The following SYT14 variants were observed in gnomAD, a reference collection of about 807,000 sequenced individuals.
SYT14 encodes synaptotagmin 14, also known as synaptotagmin-14.
Under a neutral mutation model 74.2 loss-of-function variants are expected in SYT14, and 32 were observed. The ratio of observed to expected loss-of-function variants is 0.43; its 90% CI spans 0.33 to 0.58. The LOEUF (loss-of-function observed/expected upper bound fraction) is 0.58. Among genes scored for constraint, SYT14 ranks in the 20% least tolerant of loss-of-function variants. The pLI is 0.05. For synonymous variants in SYT14, 298 were observed against 337.7 expected, an observed-to-expected ratio of 0.88 and a Z score of 1.29; for missense variants, 791 against 981.8, an observed-to-expected ratio of 0.81 and a Z score of 2.60.
chr1:209,982,769 C>T (rs2079508902), intron 2 of SYT14, among the ~76,000 whole-genome samples: 1 of 152,166 alleles, frequency 6.6e-6, no homozygotes, highest in Admixed American at 6.5e-5. Context: ...TGAGAAGCAG[C>T]CAAACTGTCT....
chr1:210,167,641 G>A lies in SYT14; in HGVS notation c.*6599G>A, dbSNP rs1016431124. ...GAATATGTGAAATAATGTTGTCATT[G>A]AATTAAGCTGTTTTGTGACTGCTGA... On this transcript the variant is annotated 3_prime_UTR_variant, in exon 10 of 10. Coordinates refer to ENST00000637265, the Ensembl canonical transcript of SYT14. 2.0e-5 allele frequency: 3 copies of A among 152,108 alleles called. No homozygotes were observed. In the South Asian group the frequency reaches 6.2e-4, roughly 32 times the overall value. 9.4% of individuals were successfully genotyped at this position (152,108 alleles called of 1,614,324 possible).
intron 2 of SYT14, among the ~76,000 whole-genome samples, chr1:209,981,682 C>T (rs1258027966): frequency 1.3e-5 from 2 of 151,968 alleles, no homozygotes; most frequent in East Asian, 3.9e-4. Context: ...TCTCAAACTC[C>T]TGGACTCAAG....
chr1:210,138,387 G>C (rs1452197364), intron 7 of SYT14, among the ~76,000 whole-genome samples: 1 of 152,120 alleles, frequency 6.6e-6, no homozygotes, highest in Non-Finnish European at 1.5e-5. Context: ...ATGACATGTG[G>C]GGATTATGGG....
exon 10 of SYT14, chr1:210,165,514 G>A (rs1449730034): frequency 1.3e-5 from 2 of 152,130 alleles, no homozygotes; most frequent in African/African-American, 4.8e-5. Flanking sequence ...AGGAATCCAA[G>A]GTGTTTTAAT....
chr1:209,974,231 C>T (rs1370842664), intron 2 of SYT14, among the ~76,000 whole-genome samples: 1 of 152,086 alleles, frequency 6.6e-6, no homozygotes, highest in Non-Finnish European at 1.5e-5. Context: ...TCCCATTTGT[C>T]AATTTTGGCT....
At chr1:210,133,646 G>A (rs1558212249) in intron 7 of SYT14, among the ~76,000 whole-genome samples, 1 of 152,046 alleles carries the variant, frequency 6.6e-6, no homozygotes, top group African/African-American at 2.4e-5. Context: ...TGAACTGACA[G>A]AAAGATCAAA....
rs545098287 is a variant in SYT14 at position 210,152,816 on chromosome 1, G to A, written c.2035-2905G>A. 5.9e-5 allele frequency among the ~76,000 whole-genome samples: 9 copies of A among 151,996 alleles called. No individual in the cohort carries two copies. The South Asian group carries it at 8.3e-4, about 14-fold the overall frequency. On this transcript the variant is annotated intron_variant, in intron 7 of 9. Transcript: ENST00000637265. ...TAATGTTACCACCTATTAATACATC[G>A]GGAACATAATGGTTTAGTTCTGCTT...
At chr1:210,134,974 T>A (rs1448312742) in intron 7 of SYT14, among the ~76,000 whole-genome samples, 1 of 152,010 alleles carries the variant, frequency 6.6e-6, no homozygotes, top group East Asian at 1.9e-4. Context: ...GTTCTTAATT[T>A]TTTTCCCTGT....
At chr1:209,958,665 A>G (rs940905867) in intron 2 of SYT14, among the ~76,000 whole-genome samples, 1 of 152,190 alleles carries the variant, frequency 6.6e-6, no homozygotes, top group Non-Finnish European at 1.5e-5. Flanking sequence ...GGGAAATGCA[A>G]TTAACTTTTC....
At chr1:209,950,271 A>G (rs2078891529) in intron 1 of SYT14, among the ~76,000 whole-genome samples, 1 of 152,206 alleles carries the variant, frequency 6.6e-6, no homozygotes. Context: ...TAAGTTACCT[A>G]TGAAAACATC....
At chr1:210,010,887 G>A (rs1017671125) in intron 2 of SYT14, among the ~76,000 whole-genome samples, 1 of 152,158 alleles carries the variant, frequency 6.6e-6, no homozygotes, top group Non-Finnish European at 1.5e-5. Context: ...TTACAATGGG[G>A]ATGATAATAG....
At chr1:210,109,452 C>T (rs2082218991) in intron 7 of SYT14, among the ~76,000 whole-genome samples, 1 of 151,914 alleles carries the variant, frequency 6.6e-6, no homozygotes, top group African/African-American at 2.4e-5. Context: ...GTTGCGCGCA[C>T]CTGTAGTCCC....
At chr1:210,154,490 T>C (rs944126268) in intron 7 of SYT14, among the ~76,000 whole-genome samples, 2 of 152,188 alleles carry the variant, frequency 1.3e-5, no homozygotes, top group African/African-American at 4.8e-5. Context: ...AATTTCAAAT[T>C]TACTAGAAGA....
At chr1:210,003,438 T>TCACAG (rs1211171651) in intron 2 of SYT14, among the ~76,000 whole-genome samples, 1 of 152,210 alleles carries the variant, frequency 6.6e-6, no homozygotes, top group Non-Finnish European at 1.5e-5. Context: ...TGTCCTGATT[T>TCACAG]CACATTCTGT....
chr1:210,094,745 C>G, intron 6 of SYT14, 152 bp downstream of exon 5: 1 of 1,017,116 alleles, frequency 9.8e-7, no homozygotes, highest in Non-Finnish European at 1.5e-6. Context: ...CTTTATCCAA[C>G]AAACTTATCA....
chr1:209,965,961 C>G (rs1472525991), intron 2 of SYT14: 1 of 454,778 alleles, frequency 2.2e-6, no homozygotes, highest in East Asian at 7.0e-5. Flanking sequence ...ACTTCCGCCT[C>G]CTGGGTTCAA....
At chr1:209,998,179 G>C (rs1476539617) in intron 2 of SYT14, among the ~76,000 whole-genome samples, 1 of 151,602 alleles carries the variant, frequency 6.6e-6, no homozygotes, top group Non-Finnish European at 1.5e-5. Context: ...AGCTGAAAAA[G>C]GCCAAGAAGG....
intron 6 of SYT14, among the ~76,000 whole-genome samples, 193 bp downstream of exon 5, chr1:210,094,786 C>G (rs1273195480): frequency 6.6e-6 from 1 of 152,228 alleles, no homozygotes; most frequent in African/African-American, 2.4e-5. Context: ...CAGCTGCCCC[C>G]ACTCCCCAAC....
intron 6 of SYT14, among the ~76,000 whole-genome samples, chr1:210,097,430 T>C (rs947679839): frequency 2.6e-5 from 4 of 152,186 alleles, no homozygotes; most frequent in Non-Finnish European, 4.4e-5. Flanking sequence ...GCTTATTGCC[T>C]GTTTTCAGAA....
Sources: allele counts gnomAD v4.1 joint callset (sites outside exome capture counted in the v4.1 genomes callset), GRCh38; gene constraint gnomAD v4.1.1; transcripts MANE v1.5; gene names NCBI Gene and HGNC (gene_info 2026-07-23, HGNC 2026-07-21).